SLC10A4: variants seen among roughly 807,000 people sequenced by gnomAD.
SLC10A4 encodes the protein putative sodium/bile acid cotransporter 4.
Under a neutral mutation model 22.5 loss-of-function variants are expected in SLC10A4, and 17 were observed. That is an observed-to-expected ratio of 0.76 (90% CI 0.52 to 1.14). SLC10A4 has a LOEUF of 1.14. Among genes scored for constraint, SLC10A4 ranks in the 50% most tolerant of loss-of-function variants. The pLI is 0.00. For missense variants in SLC10A4, 548 were observed against 584.0 expected, an observed-to-expected ratio of 0.94 and a Z score of 0.64; for synonymous variants, 257 against 258.2, an observed-to-expected ratio of 1.00 and a Z score of 0.04.
chr4:48,485,150 C>A lies in SLC10A4; in HGVS notation c.801+8C>A, dbSNP rs1326115382. ...GCTGACTACATTGTGAAGGTAAGGC[C>A]CCCTCTTCCCTTTCCATACTAGCTT... On this transcript the variant is annotated splice_region_variant and intron_variant, in intron 2 of 2. Coordinates refer to ENST00000273861, the MANE Select transcript of SLC10A4 (RefSeq NM_152679.4). 5 of 1,612,962 alleles carry A rather than the reference C, an allele frequency of 3.1e-6. No homozygotes were observed. In the African/African-American group the frequency reaches 6.7e-5, roughly 22 times the overall value.
chr4:48,483,392 C>A lies in SLC10A4; in HGVS notation c.-170C>A. The A allele has an allele frequency of 2.5e-6, 1 of 399,424 alleles. No individual in the cohort carries two copies. Among genetic ancestry groups the A allele is most frequent in the Non-Finnish European group, 4.2e-6 (1 of 236,610 alleles). 24.7% of individuals were successfully genotyped at this position (399,424 alleles called of 1,614,324 possible). A position where few individuals can be genotyped will look rare whatever the true frequency, so the allele number is the denominator to read the frequency against. ...GTGCCAGGCTGCGGGCGGCTGCAGACCTGGGAGCGGAGACCGGCCCGCCGC... is the reference window on the plus strand; with the variant it reads ...GTGCCAGGCTGCGGGCGGCTGCAGAACTGGGAGCGGAGACCGGCCCGCCGC... On this transcript the variant is annotated 5_prime_UTR_variant, in exon 1 of 3. Coordinates refer to ENST00000273861, the MANE Select transcript of SLC10A4 (RefSeq NM_152679.4). This position sits in a 1 kb window ranked among gnomAD's most constrained non-coding sequence, Gnocchi z 5.4.
rs1409996385 is a variant in SLC10A4 at position 48,488,629 on chromosome 4, A to G, written c.1004A>G (p.Glu335Gly). 6.2e-7 allele frequency: 1 copy of G among 1,614,148 alleles called. No individual in the cohort carries two copies. The highest frequency in any genetic ancestry group is 8.5e-7 in the Non-Finnish European group (1 of 1,180,022). The change falls in exon 3 of 3, where the codon GAA (glutamate) becomes GGA (glycine). Residue 335 changes from glutamate (E) to glycine (G), a missense_variant. By Grantham distance (98) the Glu-to-Gly change is moderately conservative. This residue lies in a region of SLC10A4 where 314 missense variants were observed against 353.2 expected (regional missense o/e 0.89). Coordinates refer to ENST00000273861, the MANE Select transcript of SLC10A4 (RefSeq NM_152679.4). ...PPNCKRTVCL[E>G]TGSQNVQLCT... ...AACTGCAAGAGGACTGTATGTCTGG[A>G]AACAGGTAGTCAGAATGTGCAGCTC...
In SLC10A4 at chr4:48,483,983, TGGCAGC is replaced by T. The variant is rs768435815; in HGVS notation, c.424_429del (p.Ala142_Ala143del). ...GTCCGTCGGCCCGTGGGCGCGCTGC[TGGCAGC>T]GCTCTGCCAGTTCGGCCTCCTGCCG... On this transcript the variant is annotated inframe_deletion, in exon 1 of 3. Coordinates refer to ENST00000273861, the MANE Select transcript of SLC10A4 (RefSeq NM_152679.4). The surrounding 1 kb of genome is among the most constrained non-coding windows in gnomAD (Gnocchi z 5.4). 2 of 1,563,572 alleles carry T rather than the reference TGGCAGC, an allele frequency of 1.3e-6. No individual in the cohort carries two copies. The highest frequency in any genetic ancestry group is 1.7e-6 in the Non-Finnish European group (2 of 1,157,190).
Position 48,484,062 on chromosome 4 carries a change from C to T in SLC10A4, c.501C>T (p.Ala167=), listed in dbSNP as rs1290651877. ...TCGCCTTCAAGCTGGACGAGGTGGCCGCCGTGGCGGTGCTCCTGTGTGGCT... is the reference window on the plus strand; with the variant it reads ...TCGCCTTCAAGCTGGACGAGGTGGCTGCCGTGGCGGTGCTCCTGTGTGGCT... The part of the protein sequence containing the change: ...LALAFKLDEV[A]AVAVLLCGCC... The change falls in exon 1 of 3, where the codon GCC becomes GCT. Residue 167 remains alanine, a synonymous_variant. Transcript: ENST00000273861. 4 of 1,603,870 alleles carry T rather than the reference C, an allele frequency of 2.5e-6. No homozygotes were observed. Among genetic ancestry groups the T allele is most frequent in the Non-Finnish European group, 3.4e-6 (4 of 1,178,260 alleles).
At position 48,489,291 on chromosome 4, in the gene SLC10A4, G is replaced by T. The variant is rs1718344891; in HGVS notation, c.*352G>T. The stretch of plus-strand genomic sequence containing the variant: ...CTATGAGGAAAAACAAGCTATCTTT[G>T]TAAAGCATAATTGAGTTTAATGTAA... On this transcript the variant is annotated 3_prime_UTR_variant, in exon 3 of 3. Coordinates refer to ENST00000273861, the MANE Select transcript of SLC10A4 (RefSeq NM_152679.4). 5 of 183,032 alleles carry T rather than the reference G, an allele frequency of 2.7e-5. No homozygotes were observed. The South Asian group carries it at 7.5e-4, about 28-fold the overall frequency. The allele number at this position is 183,032 out of a possible 1,614,324, so 11.3% of individuals were successfully genotyped here. A position where few individuals can be genotyped will look rare whatever the true frequency, so the allele number is the denominator to read the frequency against.
chr4:48,488,673 C>T lies in SLC10A4; in HGVS notation c.1048C>T (p.Leu350=), dbSNP rs149357077. The T allele has an allele frequency of 1.9e-5, 30 of 1,614,070 alleles. No individual in the cohort carries two copies. The African/African-American group carries it at 3.9e-4, about 21-fold the overall frequency. ...GCAGCTCTGTACAGCCATTCTAAAA[C>T]TGGCCTTTCCACCGCAATTCATAGG... ...NVQLCTAILK[L]AFPPQFIGSM... Residue 350 remains leucine, a synonymous_variant, in exon 3 of 3, where the codon CTG becomes TTG. Coordinates refer to ENST00000273861, the MANE Select transcript of SLC10A4 (RefSeq NM_152679.4).
intron 2 of SLC10A4, 98 bp downstream of exon 2, chr4:48,485,240 G>C (rs1211386905): frequency 1.5e-6 from 2 of 1,291,622 alleles, no homozygotes; most frequent in African/African-American, 3.0e-5. Context: ...CGGAAAGGAA[G>C]AAAAGGACTT....
Position 48,485,104 on chromosome 4 carries a change from C to G in SLC10A4, c.763C>G (p.Arg255Gly). The change falls in exon 2 of 3, where the codon CGC (arginine) becomes GGC (glycine). Residue 255 changes from arginine (R) to glycine (G), a missense_variant. Arg to Gly is a moderately radical substitution (Grantham distance 125). Coordinates refer to ENST00000273861, the MANE Select transcript of SLC10A4 (RefSeq NM_152679.4). ...LIPIGLGVFI[R>G]YKYSRVADYI... Reference sequence around the variant, plus strand: ...ACCTATCGGGTTGGGCGTCTTCATTCGCTACAAATACAGCCGGGTGGCTGA... The same window carrying G: ...ACCTATCGGGTTGGGCGTCTTCATTGGCTACAAATACAGCCGGGTGGCTGA... 5 of 1,614,120 alleles carry G rather than the reference C, an allele frequency of 3.1e-6. No homozygotes were observed. Among genetic ancestry groups the G allele is most frequent in the Non-Finnish European group, 4.2e-6 (5 of 1,180,026 alleles).
Position 48,483,465 on chromosome 4 carries a change from A to G in SLC10A4, c.-97A>G. 1 of 1,022,528 alleles carries G rather than the reference A, an allele frequency of 9.8e-7. No homozygotes were observed. Among genetic ancestry groups the G allele is most frequent in the Non-Finnish European group, 1.3e-6 (1 of 758,284 alleles). 63.3% of individuals were successfully genotyped at this position (1,022,528 alleles called of 1,614,324 possible). On this transcript the variant is annotated 5_prime_UTR_variant, in exon 1 of 3. Transcript: ENST00000273861. This position sits in a 1 kb window ranked among gnomAD's most constrained non-coding sequence, Gnocchi z 5.4. ...AGCGGCGCGCAGCCGGGGCTCGGAG[A>G]CCGACGGGCAGAACGACGGGCGGCG...
Position 48,483,483 on chromosome 4 carries a change from G to C in SLC10A4, c.-79G>C, listed in dbSNP as rs939564264. 8 of 1,214,942 alleles carry C rather than the reference G, an allele frequency of 6.6e-6. No homozygotes were observed. The African/African-American group carries it at 1.1e-4, about 17-fold the overall frequency. The allele number at this position is 1,214,942 out of a possible 1,614,324, so 75.3% of individuals were successfully genotyped here. ...CTCGGAGACCGACGGGCAGAACGAC[G>C]GGCGGCGACTGCGGCGACCGCGGGA... On this transcript the variant is annotated 5_prime_UTR_variant, in exon 1 of 3. Transcript: ENST00000273861. This position sits in a 1 kb window ranked among gnomAD's most constrained non-coding sequence, Gnocchi z 5.4.
rs1465798668 is a variant in SLC10A4, at chr4:48,483,957, C to A, written c.396C>A (p.His132Gln). The change falls in exon 1 of 3, where the codon CAC becomes CAA. Residue 132 changes from histidine to glutamine, a missense_variant. Transcript: ENST00000273861. The surrounding 1 kb of genome is among the most constrained non-coding windows in gnomAD (Gnocchi z 5.4). ...TGGACGTGAACCACTTCGGGGCGCA[C>A]GTCCGTCGGCCCGTGGGCGCGCTGC... Reference protein sequence around the residue: ...CTVDVNHFGAHVRRPVGALLA... With the variant: ...CTVDVNHFGAQVRRPVGALLA... 6.5e-7 allele frequency: 1 copy of A among 1,545,468 alleles called. No homozygotes were observed. The highest frequency in any genetic ancestry group is 8.7e-7 in the Non-Finnish European group (1 of 1,146,992).
Position 48,483,742 on chromosome 4 carries a change from G to T in SLC10A4, c.181G>T (p.Gly61Cys). The part of the protein sequence containing the change: ...GPGPSFGFSP[G>C]PTPTPEPTTS... ...GGGTCCGAGCTTCGGCTTCAGCCCC[G>T]GCCCCACTCCGACCCCGGAGCCCAC... The change falls in exon 1 of 3, where the codon GGC (glycine) becomes TGC (cysteine). Residue 61 changes from glycine to cysteine, a missense_variant. This residue lies in a region of SLC10A4 where 225 missense variants were observed against 206.9 expected (regional missense o/e 1.09). Coordinates refer to ENST00000273861, the MANE Select transcript of SLC10A4 (RefSeq NM_152679.4). This position sits in a 1 kb window ranked among gnomAD's most constrained non-coding sequence, Gnocchi z 5.4. The T allele has an allele frequency of 4.8e-6, 7 of 1,450,808 alleles. No individual in the cohort carries two copies. The highest frequency in any genetic ancestry group is 6.3e-6 in the Non-Finnish European group (7 of 1,108,736). 89.9% of individuals were successfully genotyped at this position (1,450,808 alleles called of 1,614,324 possible). A position where few individuals can be genotyped will look rare whatever the true frequency, so the allele number is the denominator to read the frequency against.
At position 48,484,054 on chromosome 4, in the gene SLC10A4, G is replaced by T. The variant is rs1718232673; in HGVS notation, c.493G>T (p.Glu165Ter). 5 of 1,603,094 alleles carry T rather than the reference G, an allele frequency of 3.1e-6. No homozygotes were observed. Among genetic ancestry groups the T allele is most frequent in the Non-Finnish European group, 3.4e-6 (4 of 1,178,116 alleles). Residue 165 changes from glutamate (E) to a stop codon, truncating the protein, a stop_gained, in exon 1 of 3, where the codon GAG becomes TAG. Coordinates refer to ENST00000273861, the MANE Select transcript of SLC10A4 (RefSeq NM_152679.4). LOFTEE classifies it high-confidence loss of function. ...FLLALAFKLD[E>*]VAAVAVLLCG... is the part of the protein sequence containing the mutation. ...GCTGGCCCTCGCCTTCAAGCTGGAC[G>T]AGGTGGCCGCCGTGGCGGTGCTCCT...
chr4:48,483,479 C>G lies in SLC10A4; in HGVS notation c.-83C>G. 1.7e-6 allele frequency: 2 copies of G among 1,187,098 alleles called. No individual in the cohort carries two copies. The highest frequency in any genetic ancestry group is 2.2e-6 in the Non-Finnish European group (2 of 889,986). The allele number at this position is 1,187,098 out of a possible 1,614,324, so 73.5% of individuals were successfully genotyped here. A position where few individuals can be genotyped will look rare whatever the true frequency, so the allele number is the denominator to read the frequency against. ...GGGGCTCGGAGACCGACGGGCAGAA[C>G]GACGGGCGGCGACTGCGGCGACCGC... On this transcript the variant is annotated 5_prime_UTR_variant, in exon 1 of 3. Transcript: ENST00000273861. This position sits in a 1 kb window ranked among gnomAD's most constrained non-coding sequence, Gnocchi z 5.4.
Position 48,484,107 on chromosome 4 carries a change from C to T in SLC10A4, c.546C>T (p.Leu182=), listed in dbSNP as rs1718234227. Residue 182 remains leucine (L), a synonymous_variant, in exon 1 of 3, where the codon CTC becomes CTT. Transcript: ENST00000273861. ...GTGGCTGCTGTCCCGGCGGCAATCTCTCCAATCTTATGTCCCTGCTGGTTG... is the reference window on the plus strand; with the variant it reads ...GTGGCTGCTGTCCCGGCGGCAATCTTTCCAATCTTATGTCCCTGCTGGTTG... ...LLCGCCPGGN[L]SNLMSLLVDG... The T allele has an allele frequency of 6.2e-7, 1 of 1,601,544 alleles. No homozygotes were observed. The highest frequency in any genetic ancestry group is 1.7e-5 in the Admixed American group (1 of 59,458).
In SLC10A4 at chr4:48,488,418, T is replaced by C; in HGVS notation, c.802-9T>C. 1 of 1,569,706 alleles carries C rather than the reference T, an allele frequency of 6.4e-7. No homozygotes were observed. Among genetic ancestry groups the C allele is most frequent in the Non-Finnish European group, 8.6e-7 (1 of 1,157,010 alleles). ...CTTCAACCATCTCATTGTAATTTTCTATTACTAGGTTTCCCTGTGGTCTCT... is the reference window on the plus strand; with the variant it reads ...CTTCAACCATCTCATTGTAATTTTCCATTACTAGGTTTCCCTGTGGTCTCT... On this transcript the variant is annotated splice_polypyrimidine_tract_variant and intron_variant, in intron 2 of 2. Transcript: ENST00000273861.
Position 48,489,075 on chromosome 4 carries a change from T to A in SLC10A4, c.*136T>A. On this transcript the variant is annotated 3_prime_UTR_variant, in exon 3 of 3. Transcript: ENST00000273861. The stretch of plus-strand genomic sequence containing the variant: ...GTAACAATTCTGATCTTTTTAAGGT[T>A]CACTGGTGTATTAACCAAACGTTGT... 1 of 1,065,328 alleles carries A rather than the reference T, an allele frequency of 9.4e-7. No individual in the cohort carries two copies. The highest frequency in any genetic ancestry group is 1.8e-5 in the South Asian group (1 of 55,706). The allele number at this position is 1,065,328 out of a possible 1,614,324, so 66.0% of individuals were successfully genotyped here.
chr4:48,485,166 A>G (rs1364106289), intron 2 of SLC10A4, 24 bp downstream of exon 2: 2 of 1,609,858 alleles, frequency 1.2e-6, no homozygotes, highest in East Asian at 2.2e-5. Flanking sequence ...TTCCCTTTCC[A>G]TACTAGCTTG....
In SLC10A4 at chr4:48,483,861, G is replaced by T; in HGVS notation, c.300G>T (p.Pro100=). ...ACGCGCTCCCGTTCTGGGACACGCC[G>T]CTGAACCACGGGCTGAACGTGTTCG... ...APHALPFWDT[P]LNHGLNVFVG... The change falls in exon 1 of 3, where the codon CCG becomes CCT. Residue 100 remains proline, a synonymous_variant. Coordinates refer to ENST00000273861, the MANE Select transcript of SLC10A4 (RefSeq NM_152679.4). The surrounding 1 kb of genome is among the most constrained non-coding windows in gnomAD (Gnocchi z 5.4). 6.5e-7 allele frequency: 1 copy of T among 1,542,288 alleles called. No individual in the cohort carries two copies. Among genetic ancestry groups the T allele is most frequent in the Non-Finnish European group, 8.7e-7 (1 of 1,146,012 alleles).
Sources: allele counts gnomAD v4.1 joint callset, GRCh38; gene constraint gnomAD v4.1.1; regional missense constraint gnomAD v4.1.1; non-coding constraint Gnocchi (gnomAD v3.1); transcripts MANE v1.5; gene names NCBI Gene and HGNC (gene_info 2026-07-23, HGNC 2026-07-21).